GTF2IRD2B: variants seen among roughly 807,000 people sequenced by gnomAD.
GTF2IRD2B encodes the protein GTF2I repeat domain containing 2B.
A neutral mutation model predicts 55.6 loss-of-function variants in GTF2IRD2B; 10 were observed. The observed-to-expected ratio is 0.18, with a 90% CI of 0.11 to 0.31. The LOEUF (loss-of-function observed/expected upper bound fraction) is 0.31, where lower values mean the gene tolerates loss of function less well. Among genes scored for constraint, GTF2IRD2B ranks in the 10% least tolerant of loss-of-function variants. GTF2IRD2B has a pLI of 1.00. For synonymous variants in GTF2IRD2B, 107 were observed against 320.5 expected (o/e 0.33, Z 7.12); for missense variants, 206 against 802.7 (o/e 0.26, Z 8.98).
chr7:75,107,307 G>A (rs1296555081), intron 1 of GTF2IRD2B, among the ~76,000 whole-genome samples: 1 of 152,170 alleles, frequency 6.6e-6, no homozygotes, highest in Non-Finnish European at 1.5e-5. Flanking sequence ...CGGGCGCGGT[G>A]GCTCACGCCT....
rs1447143845 is a variant in GTF2IRD2B, at chr7:75,130,564, G to A, written c.671-2571G>A. 4.6e-5 allele frequency among the ~76,000 whole-genome samples: 7 copies of A among 151,784 alleles called. No homozygotes were observed. The East Asian group carries it at 9.6e-4, about 21-fold the overall frequency. ...GTGATCTCAGCTCACTGCAACTTCC[G>A]CCCCCCGGGTTCAAGTGATTCTCCT... On this transcript the variant is annotated intron_variant, in intron 8 of 15. Coordinates refer to ENST00000472837, the MANE Select transcript of GTF2IRD2B (RefSeq NM_001003795.3).
intron 1 of GTF2IRD2B, among the ~76,000 whole-genome samples, chr7:75,105,166 T>C (rs1807742500): frequency 1.3e-5 from 2 of 152,242 alleles, no homozygotes; most frequent in African/African-American, 4.8e-5. Context: ...CCAACCTGGG[T>C]GACAGAGCAA....
chr7:75,139,662 ATCT>A (rs1584549360), intron 12 of GTF2IRD2B, among the ~76,000 whole-genome samples: 1 of 110,290 alleles, frequency 9.1e-6, no homozygotes, highest in East Asian at 2.1e-4. Flanking sequence ...AATAATAATA[ATCT>A]TCTTTTCTGA....
At chr7:75,104,978 G>C (rs1554421326) in intron 1 of GTF2IRD2B, among the ~76,000 whole-genome samples, 4 of 152,140 alleles carry the variant, frequency 2.6e-5, no homozygotes, top group Non-Finnish European at 5.9e-5. Flanking sequence ...CAGGAAGATC[G>C]CTTGAGCCCA....
chr7:75,116,733 C>T (rs1449382205), intron 3 of GTF2IRD2B, among the ~76,000 whole-genome samples: 9 of 144,598 alleles, frequency 6.2e-5, no homozygotes, highest in African/African-American at 1.5e-4. Flanking sequence ...ACCTCCGGAT[C>T]CCAGGTTCAA....
At position 75,101,407 on chromosome 7, in the gene GTF2IRD2B, A is replaced by T. The variant is rs148097285; in HGVS notation, c.-5-7553A>T. On this transcript the variant is annotated intron_variant, in intron 1 of 15. Transcript: ENST00000472837. The stretch of plus-strand genomic sequence containing the variant: ...CAACATAGTGAGACCTCTCTACAAA[A>T]ATAGAAAATTAGCTGAGTGTCGTGG... Among the ~76,000 whole-genome samples, 148 of 150,586 alleles carry T rather than the reference A, an allele frequency of 9.8e-4. 2 individuals are homozygous for T. Among genetic ancestry groups the T allele is most frequent in the South Asian group, 5.3e-3 (25 of 4,758 alleles).
intron 1 of GTF2IRD2B, among the ~76,000 whole-genome samples, chr7:75,093,020 A>C (rs1807306634): frequency 6.6e-6 from 1 of 152,306 alleles, no homozygotes; most frequent in Non-Finnish European, 1.5e-5. Flanking sequence ...CGGAGCGCAC[A>C]TCCCTCTCCT....
At position 75,093,641 on chromosome 7, in the gene GTF2IRD2B, A is replaced by T. The variant is rs1487717638; in HGVS notation, c.-6+876A>T. ...TGCCTATTCTGGACATTTCGTGTGG[A>T]TAGAATCATCCCAAGAAGTTTTTTG... On this transcript the variant is annotated intron_variant, in intron 1 of 15. Transcript: ENST00000472837. Among the ~76,000 whole-genome samples the T allele has an allele frequency of 5.3e-5, 8 of 152,294 alleles. No individual in the cohort carries two copies. In the South Asian group the frequency reaches 1.4e-3, roughly 28 times the overall value.
rs1466355643 is a variant in GTF2IRD2B, at chr7:75,092,591, G to C, written c.-180G>C. The C allele has an allele frequency of 6.6e-6, 1 of 152,652 alleles. No individual in the cohort carries two copies. The highest frequency in any genetic ancestry group is 1.5e-5 in the Non-Finnish European group (1 of 68,194). 9.5% of individuals were successfully genotyped at this position (152,652 alleles called of 1,614,324 possible). A position where few individuals can be genotyped will look rare whatever the true frequency, so the allele number is the denominator to read the frequency against. ...AGGGGGGAAAAGGGGGGGAAAGAAA[G>C]AAAGAGAAAAAGGAGGGCGAGTGGC... On this transcript the variant is annotated 5_prime_UTR_variant, in exon 1 of 16. Transcript: ENST00000472837.
In GTF2IRD2B at chr7:75,149,450, G is replaced by A. The variant is rs1287954843; in HGVS notation, c.*153G>A. 7.6e-5 allele frequency: 46 copies of A among 604,458 alleles called. No individual in the cohort carries two copies. The highest frequency in any genetic ancestry group is 3.8e-4 in the South Asian group (19 of 50,424). 37.4% of individuals were successfully genotyped at this position (604,458 alleles called of 1,614,324 possible). A position where few individuals can be genotyped will look rare whatever the true frequency, so the allele number is the denominator to read the frequency against. ...GGTTGGAGTGCAGTGGCGTGATCTC[G>A]GCTTACTGCAACTTCCAGCTCCTGG... is the stretch of plus-strand genomic sequence containing the variant. On this transcript the variant is annotated 3_prime_UTR_variant, in exon 16 of 16. Coordinates refer to ENST00000472837, the MANE Select transcript of GTF2IRD2B (RefSeq NM_001003795.3).
At chr7:75,136,323 G>C (rs1339433085) in intron 10 of GTF2IRD2B, among the ~76,000 whole-genome samples, 3 of 143,038 alleles carry the variant, frequency 2.1e-5, no homozygotes, top group East Asian at 4.0e-4. Flanking sequence ...TTTTGAGACA[G>C]AATCTCACCC....
chr7:75,099,442 GA>G (rs1194667383), intron 1 of GTF2IRD2B, among the ~76,000 whole-genome samples: 18 of 18,774 alleles, frequency 9.6e-4, no homozygotes, highest in Middle Eastern at 0.023. Flanking sequence ...TCTCAAAAAA[GA>G]AAAAAAAAAA....
intron 6 of GTF2IRD2B, among the ~76,000 whole-genome samples, chr7:75,124,089 C>T (rs183533415): frequency 1.3e-5 from 2 of 151,638 alleles, no homozygotes; most frequent in Non-Finnish European, 2.9e-5. Flanking sequence ...AAAAATTGGC[C>T]GGACGCAGTG....
At chr7:75,122,749 A>ACAAAAT in intron 4 of GTF2IRD2B, among the ~76,000 whole-genome samples, 1 of 135,742 alleles carries the variant, frequency 7.4e-6, no homozygotes, top group South Asian at 2.4e-4. Flanking sequence ...AAAAACAAAA[A>ACAAAAT]CAAAAACAAA....
intron 8 of GTF2IRD2B, among the ~76,000 whole-genome samples, chr7:75,130,091 C>CTCTTTCTT (rs201826313): frequency 6.4e-5 from 5 of 77,606 alleles, no homozygotes; most frequent in South Asian, 4.5e-4. Context: ...AATTTATTTT[C>CTCTTTCTT]TCTTTCTTTC....
chr7:75,126,932 G>T (rs1484405898), intron 8 of GTF2IRD2B, among the ~76,000 whole-genome samples: 1 of 149,860 alleles, frequency 6.7e-6, no homozygotes, highest in Non-Finnish European at 1.5e-5. Flanking sequence ...GGGAGGTGGA[G>T]GTTGCAGTGA....
intron 2 of GTF2IRD2B, 40 bp from the exon 3 acceptor site, chr7:75,112,357 G>A: frequency 2.3e-6 from 1 of 431,352 alleles, no homozygotes; most frequent in Non-Finnish European, 3.9e-6. Context: ...ACTTGGATCT[G>A]CCCTTGTAGA....
At chr7:75,115,464 C>G (rs1554451211) in intron 3 of GTF2IRD2B, among the ~76,000 whole-genome samples, 1 of 147,812 alleles carries the variant, frequency 6.8e-6, no homozygotes, top group African/African-American at 2.5e-5. Context: ...CGCTCTATCG[C>G]CCAGGCTGGA....
At chr7:75,123,049 C>T (rs1808432034) in intron 4 of GTF2IRD2B, 87 bp from the exon 5 acceptor site, 1 of 1,569,896 alleles carries the variant, frequency 6.4e-7, no homozygotes, top group Non-Finnish European at 8.6e-7. Context: ...GACTCTGTTT[C>T]TACAAAACAA....
Sources: allele counts gnomAD v4.1 joint callset (sites outside exome capture counted in the v4.1 genomes callset), GRCh38; gene constraint gnomAD v4.1.1; transcripts MANE v1.5; gene names NCBI Gene and HGNC (gene_info 2026-07-23, HGNC 2026-07-21).